Variants in HNRNPD observed in about 807,000 individuals in gnomAD.
HNRNPD encodes the protein heterogeneous nuclear ribonucleoprotein D0.
HNRNPD carries 3 observed loss-of-function variants against 47.9 expected under a neutral mutation model. That is an observed-to-expected ratio of 0.06 (90% CI 0.03 to 0.16). The LOEUF (loss-of-function observed/expected upper bound fraction) is 0.16, where lower values mean the gene tolerates loss of function less well. HNRNPD is among the 10% of genes least tolerant of loss of function. The pLI is 1.00. For missense variants in HNRNPD, 287 were observed against 454.2 expected (o/e 0.63, Z 3.35); for synonymous variants, 171 against 165.1 (o/e 1.04, Z -0.28).
chr4:82,359,999 T>C (rs1255750762), intron 2 of HNRNPD, among the ~76,000 whole-genome samples: 1 of 152,192 alleles, frequency 6.6e-6, no homozygotes, highest in Non-Finnish European at 1.5e-5. Flanking sequence ...TTCATTAAAC[T>C]TGTTAAAATG....
At chr4:82,361,851 T>C (rs1719456829) in intron 2 of HNRNPD, among the ~76,000 whole-genome samples, 1 of 152,204 alleles carries the variant, frequency 6.6e-6, no homozygotes, top group South Asian at 2.1e-4. Context: ...TTTAGTATGG[T>C]AGTTGTTTAA....
Position 82,373,791 on chromosome 4 carries a change from C to G in HNRNPD, c.-113G>C, listed in dbSNP as rs1336255764. On this transcript the variant is annotated 5_prime_UTR_variant, in exon 1 of 9. Coordinates refer to ENST00000313899, the MANE Select transcript of HNRNPD (RefSeq NM_031370.3). ...CGCGCGCCCGCTCTACCTCGCGAAG[C>G]ACACAAGACAGGGAAGGCGCGCGCG... 6.6e-7 allele frequency: 1 copy of G among 1,519,468 alleles called. No homozygotes were observed. Among genetic ancestry groups the G allele is most frequent in the Admixed American group, 2.0e-5 (1 of 50,144 alleles). The allele number at this position is 1,519,468 out of a possible 1,614,324, so 94.1% of individuals were successfully genotyped here. A position where few individuals can be genotyped will look rare whatever the true frequency, so the allele number is the denominator to read the frequency against.
chr4:82,365,496 G>A (rs1287926286), intron 2 of HNRNPD, among the ~76,000 whole-genome samples: 1 of 151,954 alleles, frequency 6.6e-6, no homozygotes, highest in Non-Finnish European at 1.5e-5. Context: ...AATATCACAC[G>A]TTAGGGTATT....
Position 82,357,416 on chromosome 4 carries a change from T to A in HNRNPD, c.650A>T (p.Asn217Ile). The stretch of plus-strand genomic sequence containing the variant: ...GAACCCACGCCTCTTATTGGTCTTG[T>A]TGTCCATGGGGAGCTCTATGGATTC... The part of the protein sequence containing the change: ...EVESIELPMD[N>I]KTNKRRGFCF... The change falls in exon 5 of 9, where the codon AAC becomes ATC. Residue 217 changes from asparagine to isoleucine, a missense_variant. Asn to Ile is a moderately radical substitution (Grantham distance 149, BLOSUM62 -3). This residue lies in a region of HNRNPD where 39 missense variants were observed against 113.1 expected (regional missense o/e 0.34). Coordinates refer to ENST00000313899, the MANE Select transcript of HNRNPD (RefSeq NM_031370.3). The A allele has an allele frequency of 6.2e-7, 1 of 1,613,116 alleles. No individual in the cohort carries two copies. Among genetic ancestry groups the A allele is most frequent in the East Asian group, 2.2e-5 (1 of 44,832 alleles).
At chr4:82,357,469 T>C (rs1455728009) in intron 4 of HNRNPD, 25 bp from the exon 5 acceptor site, 2 of 1,578,692 alleles carry the variant, frequency 1.3e-6, no homozygotes, top group East Asian at 2.3e-5. Flanking sequence ...CAAATTTTAA[T>C]ATGCTAACAT....
Position 82,353,767 on chromosome 4 carries a change from T to C in HNRNPD, c.*418A>G, listed in dbSNP as rs1723607613. ...TCGGCAAGCCTGTCTTCCAAACTTA[T>C]GCTTTTAATAACTTGAATCCATGAC... On this transcript the variant is annotated 3_prime_UTR_variant, in exon 9 of 9. Coordinates refer to ENST00000313899, the MANE Select transcript of HNRNPD (RefSeq NM_031370.3). 1 of 152,658 alleles carries C rather than the reference T, an allele frequency of 6.6e-6. No individual in the cohort carries two copies. The highest frequency in any genetic ancestry group is 6.5e-5 in the Admixed American group (1 of 15,282). The allele number at this position is 152,658 out of a possible 1,614,324, so 9.5% of individuals were successfully genotyped here. A position where few individuals can be genotyped will look rare whatever the true frequency, so the allele number is the denominator to read the frequency against.
chr4:82,372,652 G>A (rs1334935390), intron 1 of HNRNPD, among the ~76,000 whole-genome samples: 1 of 152,168 alleles, frequency 6.6e-6, no homozygotes, highest in Non-Finnish European at 1.5e-5. Flanking sequence ...CAGTGGGGTG[G>A]GGGAAGGGTA....
chr4:82,373,937 T>C lies in HNRNPD; in HGVS notation c.-259A>G. ...AAGAATAAGCACCAGCGGCGGCCGC[T>C]CTCGCCTCCTCCTCGCTTTAATGGC... On this transcript the variant is annotated 5_prime_UTR_variant, in exon 1 of 9. Transcript: ENST00000313899. The C allele has an allele frequency of 1.3e-6, 1 of 791,938 alleles. No homozygotes were observed. 49.1% of individuals were successfully genotyped at this position (791,938 alleles called of 1,614,324 possible). A position where few individuals can be genotyped will look rare whatever the true frequency, so the allele number is the denominator to read the frequency against.
chr4:82,361,357 C>A (rs996152211), intron 2 of HNRNPD, among the ~76,000 whole-genome samples: 1 of 152,180 alleles, frequency 6.6e-6, no homozygotes, highest in Non-Finnish European at 1.5e-5. Context: ...AGAAAGAGAA[C>A]TGACTATAAA....
At position 82,357,045 on chromosome 4, in the gene HNRNPD, G is replaced by C. The variant is rs1363443865; in HGVS notation, c.754-150C>G. Reference sequence around the variant, plus strand: ...AGTTTATTAATTAAACCAATATTTAGTACTTAAGAGTAATCACTTATGAGT... The same window carrying C: ...AGTTTATTAATTAAACCAATATTTACTACTTAAGAGTAATCACTTATGAGT... On this transcript the variant is annotated intron_variant, in intron 5 of 8. Transcript: ENST00000313899. 5 of 722,868 alleles carry C rather than the reference G, an allele frequency of 6.9e-6. No individual in the cohort carries two copies. In the African/African-American group the frequency reaches 7.1e-5, roughly 10 times the overall value. The allele number at this position is 722,868 out of a possible 1,614,324, so 44.8% of individuals were successfully genotyped here.
Position 82,373,638 on chromosome 4 carries a change from G to T in HNRNPD, c.41C>A (p.Ala14Glu). ...EQFGGDGAAA[A>E]ATAAVGGSAG... ...CGAGCCGCCTACCGCCGCCGTTGCC[G>T]CTGCCGCCGCCCCGTCCCCGCCGAA... The change falls in exon 1 of 9, where the codon GCG becomes GAG. Residue 14 changes from alanine to glutamate, a missense_variant. By Grantham distance (107) the Ala-to-Glu change is moderately radical. Coordinates refer to ENST00000313899, the MANE Select transcript of HNRNPD (RefSeq NM_031370.3). 6.6e-7 allele frequency: 1 copy of T among 1,524,186 alleles called. No individual in the cohort carries two copies. Among genetic ancestry groups the T allele is most frequent in the Non-Finnish European group, 8.8e-7 (1 of 1,142,142 alleles). The allele number at this position is 1,524,186 out of a possible 1,614,324, so 94.4% of individuals were successfully genotyped here.
At chr4:82,373,000 G>T in intron 1 of HNRNPD, 4 of 375,288 alleles carry the variant, frequency 1.1e-5, no homozygotes, top group South Asian at 2.0e-5. Context: ...CAGGATGGTG[G>T]AGAAGCACCA....
chr4:82,357,376 A>C lies in HNRNPD; in HGVS notation c.690T>G (p.Phe230Leu). ...TCTTCTTCACTGGTTCTTCTTCCTTAAAGGTAATAAAGCAGAACCCACGCC... is the reference window on the plus strand; with the variant it reads ...TCTTCTTCACTGGTTCTTCTTCCTTCAAGGTAATAAAGCAGAACCCACGCC... ...NKRRGFCFIT[F>L]KEEEPVKKIM... Residue 230 changes from phenylalanine to leucine, a missense_variant, in exon 5 of 9, where the codon TTT becomes TTG. This residue lies in a region of HNRNPD where 39 missense variants were observed against 113.1 expected (regional missense o/e 0.34). Transcript: ENST00000313899. The C allele has an allele frequency of 6.2e-7, 1 of 1,613,626 alleles. No individual in the cohort carries two copies. Among genetic ancestry groups the C allele is most frequent in the Non-Finnish European group, 8.5e-7 (1 of 1,179,760 alleles).
At chr4:82,362,399 A>G (rs1384949652) in intron 2 of HNRNPD, among the ~76,000 whole-genome samples, 1 of 152,120 alleles carries the variant, frequency 6.6e-6, no homozygotes, top group Non-Finnish European at 1.5e-5. Flanking sequence ...AAACGTATTA[A>G]TATTTTGGCA....
Position 82,373,917 on chromosome 4 carries a change from T to G in HNRNPD, c.-239A>C, listed in dbSNP as rs923168035. On this transcript the variant is annotated 5_prime_UTR_variant, in exon 1 of 9. Transcript: ENST00000313899. Reference sequence around the variant, plus strand: ...TCTCTCCCGCTGCACTAAAAAAGAATAAGCACCAGCGGCGGCCGCTCTCGC... The same window carrying G: ...TCTCTCCCGCTGCACTAAAAAAGAAGAAGCACCAGCGGCGGCCGCTCTCGC... 1.0e-4 allele frequency: 102 copies of G among 995,368 alleles called. No individual in the cohort carries two copies. Among genetic ancestry groups the G allele is most frequent in the Non-Finnish European group, 1.3e-4 (97 of 724,246 alleles). The allele number at this position is 995,368 out of a possible 1,614,324, so 61.7% of individuals were successfully genotyped here.
chr4:82,359,983 CA>C (rs1372814285), intron 2 of HNRNPD, among the ~76,000 whole-genome samples: 1 of 152,096 alleles, frequency 6.6e-6, no homozygotes, highest in Non-Finnish European at 1.5e-5. Flanking sequence ...ATTTCTCTTC[CA>C]AATGTTCATT....
chr4:82,371,258 T>C (rs1229123527), intron 2 of HNRNPD, among the ~76,000 whole-genome samples: 6 of 152,220 alleles, frequency 3.9e-5, no homozygotes, highest in Non-Finnish European at 8.8e-5. Flanking sequence ...TCTTGCTCGA[T>C]ATAAAAATAT....
At position 82,359,610 on chromosome 4, in the gene HNRNPD, TC is replaced by T; in HGVS notation, c.319del (p.Asp107ThrfsTer7). On this transcript the variant is annotated frameshift_variant, in exon 3 of 9. Transcript: ENST00000313899. LOFTEE classifies it high-confidence loss of function. ...GTCCTTCAGATCTTTCTTTGTAGTG[TC>T]CCAGCTAAGGCCTCCTATAAACATT... ...WKMFIGGLSW[D>X]TTKKDLKDYF... The T allele has an allele frequency of 1.3e-6, 2 of 1,584,408 alleles. No individual in the cohort carries two copies. Among genetic ancestry groups the T allele is most frequent in the Non-Finnish European group, 1.7e-6 (2 of 1,157,826 alleles).
rs1318403842 is a variant in HNRNPD, at chr4:82,352,793, A to G, written c.*1392T>C. The G allele has an allele frequency of 1.0e-5, 1 of 96,632 alleles. No individual in the cohort carries two copies. Among genetic ancestry groups the G allele is most frequent in the Non-Finnish European group, 2.1e-5 (1 of 48,490 alleles). The allele number at this position is 96,632 out of a possible 1,614,324, so 6.0% of individuals were successfully genotyped here. On this transcript the variant is annotated 3_prime_UTR_variant, in exon 9 of 9. Transcript: ENST00000313899. The stretch of plus-strand genomic sequence containing the variant: ...CACAGGTCCTCAATTTGGATCTATC[A>G]TAAAAAAACTTTAATAACACTAACT...
Sources: allele counts gnomAD v4.1 joint callset (sites outside exome capture counted in the v4.1 genomes callset), GRCh38; gene constraint gnomAD v4.1.1; regional missense constraint gnomAD v4.1.1; transcripts MANE v1.5; gene names NCBI Gene and HGNC (gene_info 2026-07-23, HGNC 2026-07-21).